The following EVL variants were observed in gnomAD, a reference collection of about 807,000 sequenced individuals.
The protein encoded by EVL is Enah/Vasp-like.
A neutral mutation model predicts 59.6 loss-of-function variants in EVL; 21 were observed. The ratio of observed to expected loss-of-function variants is 0.35; its 90% CI spans 0.25 to 0.51. The LOEUF is 0.51. Ranked by LOEUF, EVL falls within the 20% of genes least tolerant of loss-of-function variation. The probability of loss-of-function intolerance (pLI) is 0.97; values close to 1 mark genes in which losing one functional copy is unlikely to be tolerated. For missense variants in EVL, 462 were observed against 546.6 expected (o/e 0.85, Z 1.54); for synonymous variants, 198 against 203.5 (o/e 0.97, Z 0.23).
At chr14:100,023,662 A>G (rs549539349) in intron 1 of EVL, among the ~76,000 whole-genome samples, 57 of 151,660 alleles carry the variant, frequency 3.8e-4, no homozygotes, top group Middle Eastern at 3.4e-3. Context: ...GGGTTCAACC[A>G]TGTTGACCAG....
intron 11 of EVL, 82 bp downstream of exon 11, chr14:100,137,884 C>T (rs747619367): frequency 2.5e-5 from 34 of 1,349,488 alleles, no homozygotes; most frequent in East Asian, 6.9e-5. Flanking sequence ...CACCCTTGCA[C>T]GCTGTCTCAC....
At chr14:100,094,844 A>T (rs1885691864) in intron 2 of EVL, among the ~76,000 whole-genome samples, 1 of 152,162 alleles carries the variant, frequency 6.6e-6, no homozygotes, top group African/African-American at 2.4e-5. Flanking sequence ...GATTGAGACC[A>T]TCCCAGCTAA....
chr14:100,124,687 C>T (rs1306317462), intron 4 of EVL, among the ~76,000 whole-genome samples: 1 of 152,210 alleles, frequency 6.6e-6, no homozygotes, highest in Non-Finnish European at 1.5e-5. Flanking sequence ...CACAAAAGGG[C>T]GTGAAGGAGT....
intron 11 of EVL, chr14:100,140,377 C>CA (rs1276827043): frequency 2.0e-5 from 3 of 152,216 alleles, no homozygotes; most frequent in Admixed American, 6.5e-5. Flanking sequence ...CTGGGAGGCC[C>CA]AGGTGGGTGG....
intron 1 of EVL, among the ~76,000 whole-genome samples, chr14:100,068,012 T>A (rs893224156): frequency 6.6e-6 from 1 of 152,040 alleles, no homozygotes; most frequent in Non-Finnish European, 1.5e-5. Context: ...CTGCTCTGGG[T>A]GCTAGGGACA....
chr14:100,007,667 C>T (rs938540683), intron 1 of EVL, among the ~76,000 whole-genome samples: 7 of 152,168 alleles, frequency 4.6e-5, no homozygotes, highest in Non-Finnish European at 7.3e-5. Context: ...TGTCGGCTTG[C>T]CTTACCTATT....
chr14:100,109,551 G>T lies in EVL; in HGVS notation c.358+11893G>T. 2.1e-6 allele frequency: 1 copy of T among 473,636 alleles called. No homozygotes were observed. The highest frequency in any genetic ancestry group is 1.5e-5 in the South Asian group (1 of 64,756). 29.3% of individuals were successfully genotyped at this position (473,636 alleles called of 1,614,324 possible). On this transcript the variant is annotated intron_variant, in intron 3 of 13. Transcript: ENST00000392920. This position sits in a 1 kb window ranked among gnomAD's most constrained non-coding sequence, Gnocchi z 4.3. ...GAACAAGCTCCCAGCTTGCGCCCAT[G>T]TCATATTGTGTGCCTCTCATAGCCT...
intron 1 of EVL, chr14:100,019,638 T>C (rs771458510): frequency 2.9e-4 from 451 of 1,531,550 alleles, no homozygotes; most frequent in Non-Finnish European, 3.9e-4. Context: ...TACCACACAA[T>C]CTAAGGAAAT....
intron 1 of EVL, among the ~76,000 whole-genome samples, chr14:100,045,716 T>C (rs924062679): frequency 3.9e-5 from 6 of 152,204 alleles, no homozygotes; most frequent in Non-Finnish European, 5.9e-5. Flanking sequence ...GCATTATTGT[T>C]TTTTTAATCT....
At chr14:100,021,436 G>A (rs77551003) in intron 1 of EVL, among the ~76,000 whole-genome samples, 1 of 152,162 alleles carries the variant, frequency 6.6e-6, no homozygotes, top group African/African-American at 2.4e-5. Flanking sequence ...TACTGGATGT[G>A]ACTGCATTTT....
chr14:100,097,425 C>T (rs11846716), intron 2 of EVL, 56 bp from the exon 3 acceptor site: 144,515 of 1,507,850 alleles, frequency 0.096, 7,836 homozygotes, highest in East Asian at 0.23. Context: ...GCAGCGCCCT[C>T]GAGCTCACTT....
intron 1 of EVL, among the ~76,000 whole-genome samples, chr14:100,042,644 A>T (rs1566980666): frequency 6.6e-6 from 1 of 152,026 alleles, no homozygotes; most frequent in African/African-American, 2.4e-5. Context: ...TGGTAGGAAG[A>T]TTTCTTTTTG....
In EVL at chr14:99,972,950, G is replaced by A. The variant is rs149116401; in HGVS notation, c.5+893G>A. Among the ~76,000 whole-genome samples the A allele has an allele frequency of 3.4e-3, 524 of 152,158 alleles. 4 individuals carry two copies. The highest frequency in any genetic ancestry group is 6.1e-3 in the Admixed American group (93 of 15,300). On this transcript the variant is annotated intron_variant, in intron 1 of 13. Transcript: ENST00000402714. This position sits in a 1 kb window ranked among gnomAD's most constrained non-coding sequence, Gnocchi z 4.4. ...TTTTGTGTCTGGTGTTTTTCAAGAT[G>A]TTTTCGAGATCCATTCCGTTGTAAT... is the stretch of plus-strand genomic sequence containing the variant.
Position 100,055,114 on chromosome 14 carries a change from G to T in EVL, c.6-29573G>T, listed in dbSNP as rs1049702393. ...CTTGGGAGGCCGAGGCAGGAGAATT[G>T]CTTGAACCTGGGAGGGGGAGGTTGC... is the stretch of plus-strand genomic sequence containing the variant. On this transcript the variant is annotated intron_variant, in intron 1 of 13. Coordinates refer to the EVL transcript ENST00000402714. Among the ~76,000 whole-genome samples, 9 of 151,708 alleles carry T rather than the reference G, an allele frequency of 5.9e-5. No homozygotes were observed. In the East Asian group the frequency reaches 1.7e-3, roughly 29 times the overall value.
intron 1 of EVL, among the ~76,000 whole-genome samples, chr14:100,009,718 A>G (rs1278091402): frequency 6.6e-6 from 1 of 152,236 alleles, no homozygotes; most frequent in African/African-American, 2.4e-5. Context: ...GGCCTATGAC[A>G]CAGTCATGAG....
rs201712062 is a variant in EVL at position 100,141,190 on chromosome 14, G to A, written c.1105G>A (p.Ala369Thr). Residue 369 changes from alanine to threonine, a missense_variant, in exon 12 of 14, where the codon GCT becomes ACT. Coordinates refer to ENST00000392920, the MANE Select transcript of EVL (RefSeq NM_016337.3). ...CCCTTTCTCTCCCAGGATGAAGCCT[G>A]CTGGGAGCGTGAATGACATGGCCCT... ...QSQPHSRMKP[A>T]GSVNDMALDA... 3.5e-5 allele frequency: 56 copies of A among 1,613,668 alleles called. No individual in the cohort carries two copies. The highest frequency in any genetic ancestry group is 1.0e-5 in the Non-Finnish European group (12 of 1,179,944).
chr14:100,031,550 T>G (rs2061314830), intron 1 of EVL, among the ~76,000 whole-genome samples: 1 of 152,220 alleles, frequency 6.6e-6, no homozygotes, highest in Non-Finnish European at 1.5e-5. Flanking sequence ...CTAGATGTGT[T>G]AGAAGTGTGG....
At chr14:100,086,787 A>G (rs1264111642) in intron 2 of EVL, among the ~76,000 whole-genome samples, 2 of 152,250 alleles carry the variant, frequency 1.3e-5, no homozygotes, top group Non-Finnish European at 2.9e-5. Flanking sequence ...TTCAGAGCAC[A>G]GCCTCCCACT....
At chr14:100,017,769 G>C (rs926779809) in intron 1 of EVL, among the ~76,000 whole-genome samples, 22 of 152,320 alleles carry the variant, frequency 1.4e-4, no homozygotes, top group Non-Finnish European at 2.2e-4. Flanking sequence ...GAATACTGCA[G>C]AAGGCATTTC....
Sources: allele counts gnomAD v4.1 joint callset (sites outside exome capture counted in the v4.1 genomes callset), GRCh38; gene constraint gnomAD v4.1.1; non-coding constraint Gnocchi (gnomAD v3.1); transcripts MANE v1.5; gene names NCBI Gene and HGNC (gene_info 2026-07-23, HGNC 2026-07-21).